The following PALM2AKAP2 variants were observed in gnomAD, a reference collection of about 807,000 sequenced individuals.
The protein encoded by PALM2AKAP2 is PALM2 and AKAP2 fusion, also known as PALM2-AKAP2 fusion protein.
A neutral mutation model predicts 71.5 loss-of-function variants in PALM2AKAP2; 37 were observed. The ratio of observed to expected loss-of-function variants is 0.52; its 90% CI spans 0.40 to 0.68. The LOEUF (loss-of-function observed/expected upper bound fraction) is 0.68. PALM2AKAP2 is among the 30% of genes least tolerant of loss of function. The pLI, the probability that PALM2AKAP2 is intolerant of heterozygous loss-of-function variation, is 0.00. For synonymous variants in PALM2AKAP2, 468 were observed against 478.8 expected (o/e 0.98, Z 0.29); for missense variants, 1,224 against 1,191.8 (o/e 1.03, Z -0.40).
At chr9:110,071,317 A>C (rs1328855573) in intron 1 of PALM2AKAP2, among the ~76,000 whole-genome samples, 3 of 152,230 alleles carry the variant, frequency 2.0e-5, no homozygotes, top group African/African-American at 7.2e-5. Flanking sequence ...GTAATAGAGG[A>C]TACAAATAAA....
At chr9:110,159,787 C>T (rs1006423958) in intron 3 of PALM2AKAP2, among the ~76,000 whole-genome samples, 9 of 152,186 alleles carry the variant, frequency 5.9e-5, no homozygotes, top group Admixed American at 3.9e-4. Context: ...AGGGACTCAG[C>T]TCAGGGCCCT....
chr9:110,080,960 C>T (rs1033962959), intron 1 of PALM2AKAP2, among the ~76,000 whole-genome samples: 31 of 152,232 alleles, frequency 2.0e-4, no homozygotes, highest in African/African-American at 5.8e-4. Context: ...GGATTACAGA[C>T]GTGAGGCACT....
chr9:109,707,277 C>A (rs995075799), intron 1 of PALM2AKAP2, among the ~76,000 whole-genome samples: 1 of 152,040 alleles, frequency 6.6e-6, no homozygotes, highest in African/African-American at 2.4e-5. Flanking sequence ...GCCCCCCTAC[C>A]ACCACCATTT....
chr9:110,155,791 C>T (rs1836438366), intron 2 of PALM2AKAP2, among the ~76,000 whole-genome samples: 1 of 152,190 alleles, frequency 6.6e-6, no homozygotes, highest in Non-Finnish European at 1.5e-5. Context: ...GCTGTCTGCA[C>T]AAAAAGCCTG....
At chr9:110,029,049 T>G (rs938454915) in intron 7 of PALM2AKAP2, among the ~76,000 whole-genome samples, 4 of 152,164 alleles carry the variant, frequency 2.6e-5, no homozygotes, top group Admixed American at 6.6e-5. Context: ...AATATGCTGA[T>G]AACCTATCAA....
chr9:109,782,916 C>T (rs1319474920), intron 1 of PALM2AKAP2, among the ~76,000 whole-genome samples: 1 of 152,100 alleles, frequency 6.6e-6, no homozygotes, highest in African/African-American at 2.4e-5. Context: ...CTGACTCTCT[C>T]ATCACTTTCC....
chr9:110,112,858 G>A (rs1188347801), intron 1 of PALM2AKAP2, among the ~76,000 whole-genome samples: 1 of 152,186 alleles, frequency 6.6e-6, no homozygotes, highest in East Asian at 1.9e-4. Flanking sequence ...GACCTCCTAC[G>A]CTTGTTTTGA....
At position 110,082,074 on chromosome 9, in the gene PALM2AKAP2, G is replaced by A. The variant is rs553414122; in HGVS notation, c.156+33219G>A. Among the ~76,000 whole-genome samples, 9 of 146,412 alleles carry A rather than the reference G, an allele frequency of 6.1e-5. No individual in the cohort carries two copies. The South Asian group carries it at 1.9e-3, about 31-fold the overall frequency. On this transcript the variant is annotated intron_variant, in intron 1 of 3. Coordinates refer to ENST00000374525, the Ensembl canonical transcript of PALM2AKAP2. The stretch of plus-strand genomic sequence containing the variant: ...CTGAATATATCCCAAGGTAGTGCAA[G>A]CAGTGGCTTTTTGTTTTGTTTTGTT...
intron 7 of PALM2AKAP2, among the ~76,000 whole-genome samples, chr9:110,042,331 G>A (rs1833524180): frequency 1.3e-5 from 2 of 152,256 alleles, no homozygotes; most frequent in Admixed American, 1.3e-4. Context: ...GAGGCTGAGG[G>A]AGGAGAATTG....
chr9:109,889,651 TGCAGTGCA>T (rs1489048655), intron 3 of PALM2AKAP2, among the ~76,000 whole-genome samples: 1 of 152,186 alleles, frequency 6.6e-6, no homozygotes, highest in Non-Finnish European at 1.5e-5. Flanking sequence ...ACTCTGAAAT[TGCAGTGCA>T]GCATTTCAAC....
At chr9:109,853,025 G>A (rs1246542304) in intron 1 of PALM2AKAP2, among the ~76,000 whole-genome samples, 5 of 152,060 alleles carry the variant, frequency 3.3e-5, no homozygotes, top group Non-Finnish European at 7.4e-5. Context: ...AAAGCCCTTT[G>A]GTTTAATTAG....
intron 1 of PALM2AKAP2, chr9:109,772,089 C>T (rs544295169): frequency 1.3e-5 from 2 of 152,404 alleles, no homozygotes; most frequent in East Asian, 3.9e-4. Context: ...AGGGTTGGGC[C>T]AGATTTGGGA....
chr9:109,808,656 G>A (rs1827642809), intron 1 of PALM2AKAP2, among the ~76,000 whole-genome samples: 1 of 152,242 alleles, frequency 6.6e-6, no homozygotes, highest in Non-Finnish European at 1.5e-5. Flanking sequence ...CAAGCCAGCT[G>A]CAGAAATTTG....
chr9:109,655,767 T>G (rs1006553649), intron 1 of PALM2AKAP2, among the ~76,000 whole-genome samples: 1 of 152,228 alleles, frequency 6.6e-6, no homozygotes, highest in African/African-American at 2.4e-5. Context: ...TGTCAAAATT[T>G]TATTCCTTTT....
chr9:110,059,056 C>T (rs532918058), intron 1 of PALM2AKAP2, among the ~76,000 whole-genome samples: 7 of 152,156 alleles, frequency 4.6e-5, no homozygotes, highest in East Asian at 1.9e-4. Context: ...TGTGCCACCA[C>T]GCCCACGTAA....
intron 3 of PALM2AKAP2, among the ~76,000 whole-genome samples, chr9:109,887,423 A>C (rs1221070870): frequency 6.6e-6 from 1 of 152,228 alleles, no homozygotes; most frequent in Non-Finnish European, 1.5e-5. Context: ...CCACATTTGC[A>C]GCCCAATTAT....
chr9:109,914,671 T>C (rs146025465), intron 3 of PALM2AKAP2, among the ~76,000 whole-genome samples: 39 of 152,288 alleles, frequency 2.6e-4, no homozygotes, highest in African/African-American at 9.4e-4. Flanking sequence ...CTTAAGCCAG[T>C]TGGTCAGCAT....
upstream of PALM2AKAP2, among the ~76,000 whole-genome samples, chr9:109,777,161 T>A (rs778584511): frequency 3.3e-5 from 5 of 152,230 alleles, no homozygotes; most frequent in South Asian, 2.1e-4. Context: ...TTTGTTCAAT[T>A]GGGAAAACCA....
Position 109,646,596 on chromosome 9 carries a change from G to A in PALM2AKAP2, c.5+5730G>A, listed in dbSNP as rs554524086. ...GGTTCATGAAAGAATAAGTGCAGTA[G>A]GGACATTAAGTTACAGATAACTTAA... On this transcript the variant is annotated intron_variant, in intron 1 of 6. Transcript: ENST00000374531. 9.9e-4 allele frequency among the ~76,000 whole-genome samples: 150 copies of A among 151,222 alleles called. 1 individual carries two copies. The highest frequency in any genetic ancestry group is 7.8e-3 in the South Asian group (37 of 4,774).
Sources: allele counts gnomAD v4.1 joint callset (sites outside exome capture counted in the v4.1 genomes callset), GRCh38; gene constraint gnomAD v4.1.1; transcripts MANE v1.5; gene names NCBI Gene and HGNC (gene_info 2026-07-23, HGNC 2026-07-21).